NLGN1: variants seen among roughly 807,000 people sequenced by gnomAD.
NLGN1 encodes the protein neuroligin 1, also known as neuroligin-1.
NLGN1 carries 12 observed loss-of-function variants against 65.5 expected under a neutral mutation model. The ratio of observed to expected loss-of-function variants is 0.18; its 90% CI spans 0.12 to 0.30. NLGN1 has a LOEUF of 0.30. NLGN1 is among the 10% of genes least tolerant of loss of function. NLGN1 has a pLI of 1.00. For synonymous variants in NLGN1, 350 were observed against 359.5 expected (o/e 0.97, Z 0.30); for missense variants, 750 against 1,007.1 (o/e 0.74, Z 3.46).
chr3:173,868,957 G>A (rs1002351548), intron 4 of NLGN1, among the ~76,000 whole-genome samples: 2 of 152,058 alleles, frequency 1.3e-5, no homozygotes, highest in Non-Finnish European at 2.9e-5. Flanking sequence ...AAAACACCCT[G>A]AATTGGACTC....
chr3:174,015,350 C>T (rs557804314), intron 4 of NLGN1, among the ~76,000 whole-genome samples: 29 of 152,220 alleles, frequency 1.9e-4, no homozygotes, highest in Admixed American at 9.8e-4. Flanking sequence ...GCAGAATGGT[C>T]GGGTTCTGGT....
chr3:174,209,894 G>A (rs530990672), intron 4 of NLGN1, among the ~76,000 whole-genome samples: 1 of 152,066 alleles, frequency 6.6e-6, no homozygotes, highest in South Asian at 2.1e-4. Flanking sequence ...GCCTCCCAAA[G>A]TGCTGGGATT....
At chr3:173,417,033 CT>C (rs1159043451) in intron 1 of NLGN1, among the ~76,000 whole-genome samples, 5 of 152,110 alleles carry the variant, frequency 3.3e-5, no homozygotes, top group African/African-American at 1.2e-4. Flanking sequence ...ATTGAAACCT[CT>C]TGAGAGTACA....
chr3:173,868,879 G>A (rs1053353292), intron 4 of NLGN1, among the ~76,000 whole-genome samples: 1 of 151,892 alleles, frequency 6.6e-6, no homozygotes, highest in African/African-American at 2.4e-5. Flanking sequence ...TAAAAAGTAG[G>A]GAGAGAGCAA....
intron 3 of NLGN1, among the ~76,000 whole-genome samples, chr3:173,678,001 T>C (rs1256392251): frequency 6.6e-6 from 1 of 152,150 alleles, no homozygotes. Context: ...TTTTCTTCAG[T>C]CCTGTCCAGT....
intron 3 of NLGN1, among the ~76,000 whole-genome samples, chr3:173,775,880 A>C (rs1196957547): frequency 6.6e-6 from 1 of 152,152 alleles, no homozygotes; most frequent in Non-Finnish European, 1.5e-5. Context: ...CAATTGTGTG[A>C]TACAACTACA....
At chr3:173,601,454 T>G (rs1750533008) in intron 2 of NLGN1, among the ~76,000 whole-genome samples, 1 of 152,040 alleles carries the variant, frequency 6.6e-6, no homozygotes, top group Non-Finnish European at 1.5e-5. Context: ...ATTTATGTAT[T>G]TGAGAATAAT....
intron 3 of NLGN1, among the ~76,000 whole-genome samples, chr3:173,626,850 C>T (rs1001368342): frequency 6.6e-6 from 1 of 151,970 alleles, no homozygotes; most frequent in African/African-American, 2.4e-5. Flanking sequence ...ATAATTTCTT[C>T]AAGACTGTAT....
At chr3:173,823,260 GCTGT>G (rs557054523) in intron 4 of NLGN1, among the ~76,000 whole-genome samples, 99 of 152,072 alleles carry the variant, frequency 6.5e-4, no homozygotes, top group African/African-American at 2.1e-3. Context: ...TTGGATCGGT[GCTGT>G]CTAACAGAAA....
intron 4 of NLGN1, among the ~76,000 whole-genome samples, chr3:174,174,948 G>A (rs776571345): frequency 2.0e-5 from 3 of 151,790 alleles, no homozygotes; most frequent in Non-Finnish European, 4.4e-5. Flanking sequence ...CCATGTGTTT[G>A]TATAGTTTAT....
intron 4 of NLGN1, among the ~76,000 whole-genome samples, chr3:173,810,048 A>G (rs1717545753): frequency 6.6e-6 from 1 of 152,224 alleles, no homozygotes; most frequent in Non-Finnish European, 1.5e-5. Flanking sequence ...AACGTGACAA[A>G]ACATAAACTC....
intron 4 of NLGN1, among the ~76,000 whole-genome samples, chr3:174,250,390 G>T (rs1055990564): frequency 6.6e-6 from 1 of 152,144 alleles, no homozygotes; most frequent in African/African-American, 2.4e-5. Context: ...GTATTCAAAT[G>T]AGTTTTTTAT....
chr3:173,808,042 A>T lies in NLGN1; in HGVS notation c.646+210A>T, dbSNP rs141207695. ...AGGTGATGAAATTATTCACATTGTC[A>T]TGGAATGTACTTCCTGGTTTATAAA... On this transcript the variant is annotated intron_variant, in intron 4 of 6. Transcript: ENST00000457714. 4.7e-4 allele frequency among the ~76,000 whole-genome samples: 71 copies of T among 152,282 alleles called. No individual in the cohort carries two copies. In the East Asian group the frequency reaches 0.01, roughly 22 times the overall value.
chr3:174,212,992 C>T (rs1736972448), intron 4 of NLGN1, among the ~76,000 whole-genome samples: 1 of 152,184 alleles, frequency 6.6e-6, no homozygotes, highest in South Asian at 2.1e-4. Context: ...ACATTAGACC[C>T]ACCTGGATAA....
intron 3 of NLGN1, among the ~76,000 whole-genome samples, chr3:173,632,856 T>G (rs905624346): frequency 5.3e-4 from 79 of 150,322 alleles, no homozygotes; most frequent in African/African-American, 1.6e-3. Context: ...TTTGTTTTTT[T>G]TTTTTTTTTT....
At chr3:173,539,800 A>ATATATGTACATATATACC (rs1738450991) in intron 2 of NLGN1, among the ~76,000 whole-genome samples, 1 of 37,390 alleles carries the variant, frequency 2.7e-5, no homozygotes, top group Non-Finnish European at 5.4e-5. Context: ...ATATATACAT[A>ATATATGTACATATATACC]TATATACATA....
chr3:174,211,090 C>G (rs1736388696), intron 4 of NLGN1, among the ~76,000 whole-genome samples: 1 of 152,156 alleles, frequency 6.6e-6, no homozygotes, highest in African/African-American at 2.4e-5. Context: ...CTCGCTCGCT[C>G]AGGAGTGAAG....
intron 4 of NLGN1, among the ~76,000 whole-genome samples, chr3:174,259,695 T>TA (rs34846230): frequency 0.16 from 24,473 of 151,606 alleles, 2,306 homozygotes; most frequent in East Asian, 0.49. Context: ...CTTTTTTTTT[T>TA]AATTATACTT....
chr3:173,854,858 C>T (rs73035406), intron 4 of NLGN1, among the ~76,000 whole-genome samples: 141 of 152,112 alleles, frequency 9.3e-4, no homozygotes, highest in African/African-American at 2.7e-3. Flanking sequence ...TTACATCTAG[C>T]GGGTAGAAGA....
Sources: gnomAD v4.1 joint callset for allele counts (sites outside exome capture counted in the v4.1 genomes callset) on GRCh38, gnomAD v4.1.1 for gene constraint, MANE v1.5 for transcripts, NCBI Gene and HGNC (gene_info 2026-07-23, HGNC 2026-07-21) for gene names.